The following HERC4 variants were observed in gnomAD, a reference collection of about 807,000 sequenced individuals.
HERC4 encodes HECT and RLD domain containing E3 ubiquitin protein ligase 4, also known as probable E3 ubiquitin-protein ligase HERC4.
In HERC4, 28 loss-of-function variants were observed where a neutral mutation model predicts 124.3. The observed-to-expected ratio is 0.23, with a 90% CI of 0.17 to 0.31. The LOEUF (loss-of-function observed/expected upper bound fraction) is 0.31. Ranked by LOEUF, HERC4 falls within the 10% of genes least tolerant of loss-of-function variation. The pLI is 1.00. For missense variants in HERC4, 713 were observed against 1,229.3 expected, an observed-to-expected ratio of 0.58 and a Z score of 6.28; for synonymous variants, 407 against 421.5, an observed-to-expected ratio of 0.97 and a Z score of 0.42.
rs1014566838 is a variant in HERC4, at chr10:68,033,093, G to A, written c.686-224C>T. 2.6e-5 allele frequency among the ~76,000 whole-genome samples: 4 copies of A among 152,110 alleles called. No individual in the cohort carries two copies. In the East Asian group the frequency reaches 5.8e-4, roughly 22 times the overall value. ...GAGTTAAGTGCTAAACAGCCAATATGCCAGTATGCAAAGGACTCAGAAATC... is the reference window on the plus strand; with the variant it reads ...GAGTTAAGTGCTAAACAGCCAATATACCAGTATGCAAAGGACTCAGAAATC... On this transcript the variant is annotated intron_variant, in intron 6 of 24. Coordinates refer to ENST00000373700, the MANE Select transcript of HERC4 (RefSeq NM_015601.4).
rs184575524 is a variant in HERC4, at chr10:67,931,691, C to A, written c.2838+906G>T. 2.0e-5 allele frequency among the ~76,000 whole-genome samples: 3 copies of A among 152,246 alleles called. No homozygotes were observed. The East Asian group carries it at 5.8e-4, about 29-fold the overall frequency. ...CCGCCCACCTTGGCCTCCCAAAGTGCTGGGATTACAGGCATGAGCCATCGC... is the reference window on the plus strand; with the variant it reads ...CCGCCCACCTTGGCCTCCCAAAGTGATGGGATTACAGGCATGAGCCATCGC... On this transcript the variant is annotated intron_variant, in intron 23 of 24. Transcript: ENST00000373700.
chr10:67,995,614 T>C (rs1360779740), intron 9 of HERC4, among the ~76,000 whole-genome samples: 2 of 152,048 alleles, frequency 1.3e-5, no homozygotes, highest in African/African-American at 4.8e-5. Flanking sequence ...ATATTCAGGA[T>C]ATTAACCTTA....
intron 8 of HERC4, among the ~76,000 whole-genome samples, chr10:68,021,318 C>T (rs73263264): frequency 0.067 from 10,130 of 152,192 alleles, 1,177 homozygotes; most frequent in African/African-American, 0.23. Flanking sequence ...CCTGGTTCAA[C>T]ATATGAAAAT....
At chr10:67,998,636 G>A (rs2037047667) in intron 9 of HERC4, among the ~76,000 whole-genome samples, 1 of 151,276 alleles carries the variant, frequency 6.6e-6, no homozygotes, top group East Asian at 1.9e-4. Flanking sequence ...CAACCTTACT[G>A]CTCTAATTCT....
intron 4 of HERC4, chr10:68,039,960 C>T (rs1400860083): frequency 1.2e-6 from 1 of 805,224 alleles, no homozygotes; most frequent in Non-Finnish European, 1.5e-6. Context: ...TTTATCGCTA[C>T]TAACCACAGG....
At chr10:68,037,091 CTTTT>C (rs35105661) in intron 5 of HERC4, among the ~76,000 whole-genome samples, 4 of 106,928 alleles carry the variant, frequency 3.7e-5, no homozygotes, top group South Asian at 6.3e-4. Context: ...CCTATTTCTT[CTTTT>C]TTTTTTTTTT....
chr10:67,937,577 A>T (rs1405511877), intron 21 of HERC4, among the ~76,000 whole-genome samples: 1 of 152,068 alleles, frequency 6.6e-6, no homozygotes, highest in African/African-American at 2.4e-5. Flanking sequence ...TTCATAGAAA[A>T]TCGTTTTTGT....
chr10:67,944,636 A>C lies in HERC4; in HGVS notation c.2338-3531T>G, dbSNP rs145517090. 3.9e-3 allele frequency among the ~76,000 whole-genome samples: 587 copies of C among 152,364 alleles called. 19 individuals carry two copies. In the Middle Eastern group the frequency reaches 0.071, roughly 19 times the overall value. On this transcript the variant is annotated intron_variant, in intron 19 of 24. Transcript: ENST00000373700. ...AAGGCACCAGTGACCAATCATGGAG[A>C]GACTGAGATATATGACCTTTCAGTC...
chr10:67,972,815 T>C (rs2035331228), intron 15 of HERC4, among the ~76,000 whole-genome samples: 6 of 152,128 alleles, frequency 3.9e-5, no homozygotes, highest in Admixed American at 3.9e-4. Context: ...TTGACTGGAC[T>C]CTAGTTATTT....
At chr10:68,013,220 T>G (rs2038072027) in intron 9 of HERC4, among the ~76,000 whole-genome samples, 1 of 152,252 alleles carries the variant, frequency 6.6e-6, no homozygotes, top group Admixed American at 6.5e-5. Flanking sequence ...AATGTCATCA[T>G]TGCACACTTA....
intron 3 of HERC4, 142 bp downstream of exon 3, chr10:68,072,741 C>A: frequency 3.5e-6 from 2 of 575,748 alleles, no homozygotes; most frequent in South Asian, 2.7e-5. Context: ...CAAATATACA[C>A]ATATAATGGA....
In HERC4 at chr10:67,990,230, C is replaced by G; in HGVS notation, c.1614G>C (p.Lys538Asn). 2.5e-6 allele frequency: 4 copies of G among 1,605,162 alleles called. No homozygotes were observed. The highest frequency in any genetic ancestry group is 3.4e-6 in the Non-Finnish European group (4 of 1,177,316). Residue 538 changes from lysine (K) to asparagine (N), a missense_variant, in exon 14 of 25, where the codon AAG (lysine) becomes AAC (asparagine). Lys to Asn is a moderately conservative substitution (Grantham distance 94). Coordinates refer to ENST00000373700, the MANE Select transcript of HERC4 (RefSeq NM_015601.4). ...PFGTALVNLE[K>N]APLKVLENWW... is the part of the protein sequence containing the mutation. ...TCTTACCAAGTACTTTCAGTGGTGC[C>G]TTTTCTAGGTTCACAAGAGCTGTAC...
intron 3 of HERC4, among the ~76,000 whole-genome samples, chr10:68,060,362 C>G (rs1019010621): frequency 6.6e-6 from 1 of 152,020 alleles, no homozygotes; most frequent in African/African-American, 2.4e-5. Flanking sequence ...CTTAGTCTCC[C>G]AAGTAGCTGG....
chr10:67,923,227 C>CGTGA, intron 24 of HERC4, 88 bp from the exon 25 acceptor site: 1 of 969,418 alleles, frequency 1.0e-6, no homozygotes. Context: ...TACAGCAGAG[C>CGTGA]TTCACTTTAA....
chr10:68,037,309 T>C (rs2039530420), intron 5 of HERC4, among the ~76,000 whole-genome samples: 1 of 152,158 alleles, frequency 6.6e-6, no homozygotes, highest in Non-Finnish European at 1.5e-5. Context: ...TTGGCCAGGC[T>C]GGTCTTGAAC....
At position 67,980,831 on chromosome 10, in the gene HERC4, A is replaced by G. The variant is rs2035886550; in HGVS notation, c.1806+7832T>C. 2.6e-5 allele frequency among the ~76,000 whole-genome samples: 4 copies of G among 152,168 alleles called. No homozygotes were observed. In the South Asian group the frequency reaches 8.3e-4, roughly 31 times the overall value. ...ATACAAACAGTGTTAAGTTGTTATC[A>G]ATTTAAAATAATGGGTTATAAGATA... On this transcript the variant is annotated intron_variant, in intron 15 of 24. Coordinates refer to ENST00000373700, the MANE Select transcript of HERC4 (RefSeq NM_015601.4).
At chr10:67,963,734 G>A (rs2034674156) in intron 16 of HERC4, among the ~76,000 whole-genome samples, 1 of 152,100 alleles carries the variant, frequency 6.6e-6, no homozygotes. Context: ...TACCCTGGTT[G>A]GTGTGTGAGG....
At chr10:68,044,366 A>C in intron 4 of HERC4, 38 bp downstream of exon 4, 2 of 1,569,846 alleles carry the variant, frequency 1.3e-6, no homozygotes, top group Non-Finnish European at 1.7e-6. Flanking sequence ...TTTATTTTAA[A>C]AGATTGTTAA....
At chr10:67,936,088 T>C in intron 22 of HERC4, 65 bp downstream of exon 22, 1 of 1,057,522 alleles carries the variant, frequency 9.5e-7, no homozygotes, top group Non-Finnish European at 1.4e-6. Flanking sequence ...ACACGTTTTC[T>C]ACGTACAGAA....
Sources: allele counts gnomAD v4.1 joint callset (sites outside exome capture counted in the v4.1 genomes callset), GRCh38; gene constraint gnomAD v4.1.1; transcripts MANE v1.5; gene names NCBI Gene and HGNC (gene_info 2026-07-23, HGNC 2026-07-21).